Variants in FHOD3 observed in about 807,000 individuals in gnomAD.
The protein encoded by FHOD3 is formin homology 2 domain containing 3.
In FHOD3, 90 loss-of-function variants were observed where a neutral mutation model predicts 173.0. The observed-to-expected ratio is 0.52, with a 90% CI of 0.44 to 0.62. The LOEUF (loss-of-function observed/expected upper bound fraction) is 0.62, where lower values mean the gene tolerates loss of function less well. Among genes scored for constraint, FHOD3 ranks in the 20% least tolerant of loss-of-function variants. The pLI, the probability that FHOD3 is intolerant of heterozygous loss-of-function variation, is 0.00. For synonymous variants in FHOD3, 828 were observed against 823.0 expected (o/e 1.01, Z -0.10); for missense variants, 1,945 against 2,034.7 (o/e 0.96, Z 0.85).
chr18:36,471,442 A>G (rs1305524801), intron 3 of FHOD3, among the ~76,000 whole-genome samples: 1 of 152,082 alleles, frequency 6.6e-6, no homozygotes, highest in East Asian at 1.9e-4. Context: ...TTCCTTGGTC[A>G]CCCTGTGTCC....
intron 2 of FHOD3, 58 bp from the exon 3 acceptor site, chr18:36,372,622 A>T (rs1598876858): frequency 1.4e-6 from 2 of 1,458,310 alleles, no homozygotes; most frequent in East Asian, 2.3e-5. Flanking sequence ...GATTGACAGC[A>T]TGTGAGGTGT....
At chr18:36,323,202 A>G (rs1020223081) in intron 1 of FHOD3, among the ~76,000 whole-genome samples, 4 of 152,136 alleles carry the variant, frequency 2.6e-5, no homozygotes, top group Non-Finnish European at 4.4e-5. Context: ...TCTGTGTGTT[A>G]TGTCAGGGCT....
rs754477560 is a variant in FHOD3 at position 36,744,169 on chromosome 18, C to T, written c.4017C>T (p.Ile1339=). 16 of 1,613,672 alleles carry T rather than the reference C, an allele frequency of 9.9e-6. No individual in the cohort carries two copies. Among genetic ancestry groups the T allele is most frequent in the South Asian group, 2.2e-5 (2 of 91,036 alleles). Residue 1339 remains isoleucine (I), a synonymous_variant, in exon 23 of 29, where the codon ATC becomes ATT. Coordinates refer to ENST00000590592, the MANE Select transcript of FHOD3 (RefSeq NM_001281740.3). ...ACAGCTCCGATCTGTACTCGGAGAT[C>T]GGGGCCATCACCAGGTCAGCCAAGG... is the stretch of plus-strand genomic sequence containing the variant. ...FPDSSDLYSE[I]GAITRSAKVD... is the part of the protein sequence containing the mutation.
intron 5 of FHOD3, among the ~76,000 whole-genome samples, chr18:36,559,785 A>T (rs764013986): frequency 1.5e-4 from 23 of 152,310 alleles, no homozygotes; most frequent in Non-Finnish European, 3.4e-4. Flanking sequence ...ATACAGGGCC[A>T]TGAGAACACA....
intron 8 of FHOD3, among the ~76,000 whole-genome samples, chr18:36,606,341 A>T (rs924135096): frequency 1.3e-5 from 2 of 152,078 alleles, no homozygotes; most frequent in South Asian, 2.1e-4. Context: ...TTGCCATGCC[A>T]TCCATGGTAG....
At chr18:36,452,588 G>A (rs1226845607) in intron 3 of FHOD3, among the ~76,000 whole-genome samples, 2 of 151,958 alleles carry the variant, frequency 1.3e-5, no homozygotes, top group African/African-American at 4.8e-5. Flanking sequence ...CAGTTGAGTA[G>A]CAACTCCCAG....
At chr18:36,378,611 AAAAAG>A (rs1194580088) in intron 3 of FHOD3, among the ~76,000 whole-genome samples, 2 of 151,634 alleles carry the variant, frequency 1.3e-5, no homozygotes, top group East Asian at 3.9e-4. Context: ...AAAAAAAAAA[AAAAAG>A]AGAGATGGGA....
At chr18:36,563,897 C>T (rs1011539459) in intron 5 of FHOD3, among the ~76,000 whole-genome samples, 1 of 152,130 alleles carries the variant, frequency 6.6e-6, no homozygotes, top group East Asian at 1.9e-4. Flanking sequence ...TTATGAGCTC[C>T]ATTCCACTCT....
intron 1 of FHOD3, among the ~76,000 whole-genome samples, chr18:36,343,950 T>A (rs1440525975): frequency 6.6e-6 from 1 of 152,198 alleles, no homozygotes; most frequent in African/African-American, 2.4e-5. Flanking sequence ...GAGGAGTGAC[T>A]GCTAATGGGT....
chr18:36,700,749 G>T (rs1300587845), intron 17 of FHOD3, among the ~76,000 whole-genome samples: 2 of 151,988 alleles, frequency 1.3e-5, no homozygotes, highest in African/African-American at 4.8e-5. Flanking sequence ...ATCTTATGTG[G>T]CATTCAAGAC....
chr18:36,625,442 C>T, intron 9 of FHOD3, 69 bp from the exon 10 acceptor site: 1 of 1,267,534 alleles, frequency 7.9e-7, no homozygotes. Flanking sequence ...TCCTGAAATG[C>T]AGTCACACCT....
intron 5 of FHOD3, among the ~76,000 whole-genome samples, chr18:36,554,178 A>G (rs2057777721): frequency 6.6e-6 from 1 of 152,184 alleles, no homozygotes; most frequent in Non-Finnish European, 1.5e-5. Flanking sequence ...CTATAAAGAC[A>G]CATGCACATG....
intron 24 of FHOD3, among the ~76,000 whole-genome samples, chr18:36,750,561 A>G (rs2042360744): frequency 6.6e-6 from 1 of 152,154 alleles, no homozygotes. Flanking sequence ...TTGCTTTGTC[A>G]GCCTGTTCCT....
intron 1 of FHOD3, among the ~76,000 whole-genome samples, chr18:36,342,731 A>G (rs747223105): frequency 4.6e-5 from 7 of 152,370 alleles, no homozygotes; most frequent in Non-Finnish European, 5.9e-5. Flanking sequence ...CAGAAAGTCA[A>G]AAACAATCCA....
intron 5 of FHOD3, among the ~76,000 whole-genome samples, chr18:36,567,936 C>A (rs182628427): frequency 6.6e-6 from 1 of 152,082 alleles, no homozygotes; most frequent in Non-Finnish European, 1.5e-5. Flanking sequence ...CTCTGTTTTT[C>A]TGCTTGGCCC....
At chr18:36,441,546 T>C (rs910120148) in intron 3 of FHOD3, among the ~76,000 whole-genome samples, 10 of 152,214 alleles carry the variant, frequency 6.6e-5, no homozygotes, top group African/African-American at 2.4e-4. Flanking sequence ...GCTGGACGTC[T>C]CTGTGGCTGT....
chr18:36,313,887 CT>C (rs112546518), intron 1 of FHOD3, among the ~76,000 whole-genome samples: 686 of 143,600 alleles, frequency 4.8e-3, no homozygotes, highest in African/African-American at 5.2e-3. Flanking sequence ...AATAATTTGT[CT>C]TTTTTTTTTT....
Position 36,718,158 on chromosome 18 carries a change from A to T in FHOD3, c.2860A>T (p.Ile954Phe), listed in dbSNP as rs529974673. The T allele has an allele frequency of 1.2e-6, 2 of 1,610,576 alleles. No individual in the cohort carries two copies. The highest frequency in any genetic ancestry group is 1.7e-6 in the Non-Finnish European group (2 of 1,178,138). Residue 954 changes from isoleucine to phenylalanine, a missense_variant, in exon 19 of 29, where the codon ATC becomes TTC. Coordinates refer to ENST00000590592, the MANE Select transcript of FHOD3 (RefSeq NM_001281740.3). ...CAGTGGGGACCTGGGGAGAGGTTCC[A>T]TCTCCCCTGATGCTGAGCCCAATGA... ...FNSGDLGRGS[I>F]SPDAEPNDKV...
At chr18:36,725,283 A>G (rs986012745) in intron 19 of FHOD3, among the ~76,000 whole-genome samples, 3 of 152,214 alleles carry the variant, frequency 2.0e-5, no homozygotes, top group African/African-American at 7.2e-5. Context: ...AGAGCTGACC[A>G]TGGGTGTTGG....
Sources: gnomAD v4.1 joint callset for allele counts (sites outside exome capture counted in the v4.1 genomes callset) on GRCh38, gnomAD v4.1.1 for gene constraint, MANE v1.5 for transcripts, NCBI Gene and HGNC (gene_info 2026-07-23, HGNC 2026-07-21) for gene names.